Variants in AKAP13 observed in about 807,000 individuals in gnomAD.
AKAP13 encodes the protein A-kinase anchor protein 13.
Under a neutral mutation model 264.5 loss-of-function variants are expected in AKAP13, and 80 were observed. The observed-to-expected ratio is 0.30, with a 90% CI of 0.25 to 0.36. The LOEUF is 0.36. Ranked by LOEUF, AKAP13 falls within the 10% of genes least tolerant of loss-of-function variation. AKAP13 has a pLI of 1.00. For synonymous variants in AKAP13, 1,380 were observed against 1,250.2 expected (o/e 1.10, Z -2.19); for missense variants, 3,712 against 3,435.2 (o/e 1.08, Z -2.01).
intron 9 of AKAP13, among the ~76,000 whole-genome samples, chr15:85,644,244 T>C (rs1050349909): frequency 1.3e-5 from 2 of 151,580 alleles, no homozygotes; most frequent in African/African-American, 4.8e-5. Flanking sequence ...TTTTTTTTTT[T>C]TTTTGGAAAT....
intron 8 of AKAP13, among the ~76,000 whole-genome samples, chr15:85,617,926 C>G (rs1420980477): frequency 6.6e-6 from 1 of 152,166 alleles, no homozygotes; most frequent in Non-Finnish European, 1.5e-5. Flanking sequence ...GTCAAATCGT[C>G]TTGTTTCTAC....
intron 8 of AKAP13, among the ~76,000 whole-genome samples, chr15:85,600,367 C>T (rs1430214795): frequency 1.3e-5 from 2 of 148,328 alleles, no homozygotes; most frequent in Non-Finnish European, 3.0e-5. Flanking sequence ...CTCTGAAAAG[C>T]GTTTTATCAC....
chr15:85,611,228 AAATCTG>A (rs1360406830), intron 8 of AKAP13, among the ~76,000 whole-genome samples: 1 of 152,144 alleles, frequency 6.6e-6, no homozygotes, highest in African/African-American at 2.4e-5. Flanking sequence ...GTTAATTCCC[AAATCTG>A]AATGCCCAAC....
intron 1 of AKAP13, among the ~76,000 whole-genome samples, chr15:85,484,759 T>C (rs1208558830): frequency 6.6e-6 from 1 of 152,204 alleles, no homozygotes; most frequent in Non-Finnish European, 1.5e-5. Context: ...GTCCCAACAG[T>C]TGGTCATTTC....
chr15:85,454,835 T>C (rs1381114246), intron 1 of AKAP13, among the ~76,000 whole-genome samples: 2 of 152,194 alleles, frequency 1.3e-5, no homozygotes, highest in East Asian at 3.8e-4. Context: ...CGTAACTGTT[T>C]TGAGTTACTC....
At position 85,714,924 on chromosome 15, in the gene AKAP13, G is replaced by A. The variant is rs187569057; in HGVS notation, c.5600-864G>A. 2.2e-4 allele frequency among the ~76,000 whole-genome samples: 34 copies of A among 152,060 alleles called. No individual in the cohort carries two copies. The East Asian group carries it at 6.4e-3, about 29-fold the overall frequency. On this transcript the variant is annotated intron_variant, in intron 19 of 36. Coordinates refer to ENST00000394518, the MANE Select transcript of AKAP13 (RefSeq NM_007200.5). ...GGAGCTTGCAGTGAGCCAAGATCGC[G>A]CCACTGCACTCCAGCCTGGGCGACA...
intron 4 of AKAP13, chr15:85,535,703 C>T (rs2077367160): frequency 6.6e-6 from 1 of 151,850 alleles, no homozygotes. Flanking sequence ...AAGAGGGGCC[C>T]AGGAGTTGGA....
chr15:85,619,974 G>A, intron 8 of AKAP13: 2 of 1,475,194 alleles, frequency 1.4e-6, no homozygotes, highest in Non-Finnish European at 1.8e-6. Flanking sequence ...AGTCTGGAAG[G>A]CAGAGATCTC....
rs56156165 is a variant in AKAP13, at chr15:85,579,854, A to G, written c.1786A>G (p.Lys596Glu). ...GGTGATTCCAGCTGCTGCAAAAGAC[A>G]AGATTTCAGATGGATTAGAACCTTA... ...SVVIPAAAKD[K>E]ISDGLEPYTL... The change falls in exon 7 of 37, where the codon AAG becomes GAG. Residue 596 changes from lysine to glutamate, a missense_variant. Transcript: ENST00000394518. 5,879 of 1,614,170 alleles carry G rather than the reference A, an allele frequency of 3.6e-3. 170 individuals carry two copies. The African/African-American group carries it at 0.068, about 19-fold the overall frequency.
chr15:85,647,711 T>G (rs957014811), intron 10 of AKAP13, among the ~76,000 whole-genome samples: 9 of 152,154 alleles, frequency 5.9e-5, no homozygotes, highest in African/African-American at 1.9e-4. Flanking sequence ...TTTGGGAGGC[T>G]GAGGCGGGCT....
intron 8 of AKAP13, among the ~76,000 whole-genome samples, chr15:85,630,978 C>T (rs2081761017): frequency 6.6e-6 from 1 of 151,722 alleles, no homozygotes; most frequent in African/African-American, 2.4e-5. Context: ...TTCATAGCAG[C>T]ATCATTCGTC....
chr15:85,631,761 T>A (rs577738756), intron 8 of AKAP13, among the ~76,000 whole-genome samples: 13 of 152,368 alleles, frequency 8.5e-5, no homozygotes, highest in South Asian at 4.1e-4. Context: ...ACGGGAACTT[T>A]CTGTGCTGTC....
At chr15:85,706,417 T>C (rs185778035) in intron 17 of AKAP13, among the ~76,000 whole-genome samples, 11 of 152,274 alleles carry the variant, frequency 7.2e-5, no homozygotes, top group African/African-American at 2.6e-4. Flanking sequence ...CACTTACCCA[T>C]CTGATAGAAT....
rs542222947 is a variant in AKAP13, at chr15:85,445,909, G to C, written c.-11-39801G>C. Among the ~76,000 whole-genome samples the C allele has an allele frequency of 8.5e-5, 13 of 152,256 alleles. No individual in the cohort carries two copies. In the South Asian group the frequency reaches 2.7e-3, roughly 32 times the overall value. On this transcript the variant is annotated intron_variant, in intron 1 of 36. Transcript: ENST00000394518. ...TTTAATACAATCTACAATGTGTACT[G>C]ATCAAATCAGGGTAATTGGGATATC...
chr15:85,647,266 C>T (rs930077275), intron 10 of AKAP13, among the ~76,000 whole-genome samples: 3 of 152,088 alleles, frequency 2.0e-5, no homozygotes, highest in South Asian at 4.1e-4. Context: ...GGCATGGTGG[C>T]GCGTGCCTGT....
At chr15:85,452,417 C>T (rs2074124722) in intron 1 of AKAP13, among the ~76,000 whole-genome samples, 1 of 152,164 alleles carries the variant, frequency 6.6e-6, no homozygotes, top group Admixed American at 6.5e-5. Context: ...AGAACTGGTA[C>T]AGTCATTTGA....
At chr15:85,676,882 CA>C (rs1706490058) in intron 14 of AKAP13, 1 of 946,862 alleles carries the variant, frequency 1.1e-6, no homozygotes, top group African/African-American at 1.8e-5. Flanking sequence ...CCCGGAACCG[CA>C]TAGGCCATTG....
chr15:85,706,361 G>T (rs985859352), intron 17 of AKAP13, among the ~76,000 whole-genome samples: 12 of 152,132 alleles, frequency 7.9e-5, no homozygotes, highest in Admixed American at 2.6e-4. Context: ...CGTTTGCCTC[G>T]ACCACTTTGT....
In AKAP13 at chr15:85,724,171, T is replaced by A. The variant is rs1051986986; in HGVS notation, c.6745+851T>A. Among the ~76,000 whole-genome samples the A allele has an allele frequency of 6.6e-5, 10 of 152,182 alleles. No individual in the cohort carries two copies. Among genetic ancestry groups the A allele is most frequent in the African/African-American group, 2.4e-4 (10 of 41,440 alleles). On this transcript the variant is annotated intron_variant, in intron 26 of 36. Coordinates refer to ENST00000394518, the MANE Select transcript of AKAP13 (RefSeq NM_007200.5). The surrounding 1 kb of genome is among the most constrained non-coding windows in gnomAD (Gnocchi z 4.2). ...GGAGGAAATGGGTGCTGCTTTCATT[T>A]CTGAGGTATAAGTGATGATGTAGAT...
Sources: gnomAD v4.1 joint callset for allele counts (sites outside exome capture counted in the v4.1 genomes callset) on GRCh38, gnomAD v4.1.1 for gene constraint, Gnocchi (gnomAD v3.1) non-coding constraint, MANE v1.5 for transcripts, NCBI Gene and HGNC (gene_info 2026-07-23, HGNC 2026-07-21) for gene names.